PCED1A: variants seen among roughly 807,000 people sequenced by gnomAD.
PCED1A encodes PC-esterase domain-containing protein 1A.
Under a neutral mutation model 41.9 loss-of-function variants are expected in PCED1A, and 20 were observed. The ratio of observed to expected loss-of-function variants is 0.48; its 90% CI spans 0.34 to 0.69. The LOEUF is 0.69. PCED1A is among the 30% of genes least tolerant of loss of function. PCED1A has a pLI of 0.01. For synonymous variants in PCED1A, 236 were observed against 241.3 expected (o/e 0.98, Z 0.20); for missense variants, 498 against 602.1 (o/e 0.83, Z 1.81).
upstream of PCED1A, chr20:2,840,856 CCTGGCT>C (rs1487225045): frequency 6.5e-7 from 1 of 1,537,088 alleles, no homozygotes; most frequent in African/African-American, 1.4e-5. Context: ...CCGCCCACGG[CCTGGCT>C]TACCCTGCTC....
intron 6 of PCED1A, among the ~76,000 whole-genome samples, chr20:2,837,752 T>C (rs906241595): frequency 5.9e-5 from 9 of 152,254 alleles, no homozygotes; most frequent in African/African-American, 1.9e-4. Flanking sequence ...TATGGAACAC[T>C]GTCCATTGAG....
chr20:2,838,909 T>C lies in PCED1A; in HGVS notation c.378A>G (p.Glu126=), dbSNP rs1221958153. The C allele has an allele frequency of 2.5e-6, 4 of 1,613,912 alleles. No homozygotes were observed. The highest frequency in any genetic ancestry group is 1.6e-4 in the Middle Eastern group (1 of 6,084). ...VYSEYLEDVL[E]ELTYGPAPDL... ...CCGGGGCAGGTCCATATGTCAGCTC[T>C]TCCAGAACATCCTCAAGGTACTCGG... The change falls in exon 4 of 8, where the codon GAA becomes GAG. Residue 126 remains glutamate, a synonymous_variant. Coordinates refer to ENST00000360652, the MANE Select transcript of PCED1A (RefSeq NM_022760.6). The surrounding 1 kb of genome is among the most constrained non-coding windows in gnomAD (Gnocchi z 5.8).
At chr20:2,839,739 C>CG in intron 2 of PCED1A, 50 bp downstream of exon 2, 1 of 1,602,448 alleles carries the variant, frequency 6.2e-7, no homozygotes, top group Non-Finnish European at 8.5e-7. Flanking sequence ...ACACACTGAA[C>CG]GGGCTGCAAG....
At chr20:2,840,956 G>C (rs2088963467), upstream of PCED1A, 12 of 887,236 alleles carry the variant, frequency 1.4e-5, no homozygotes, top group Middle Eastern at 3.5e-4. Context: ...CTCCCCGAGC[G>C]TCTGCCACTT....
chr20:2,839,706 T>G, intron 2 of PCED1A, 83 bp downstream of exon 2: 1 of 1,555,072 alleles, frequency 6.4e-7, no homozygotes. Flanking sequence ...ACAAGAGATG[T>G]GAGATGGAAA....
Position 2,838,813 on chromosome 20 carries a change from C to A in PCED1A, c.443+31G>T, listed in dbSNP as rs764504882. On this transcript the variant is annotated intron_variant, in intron 4 of 7. Transcript: ENST00000360652. This position sits in a 1 kb window ranked among gnomAD's most constrained non-coding sequence, Gnocchi z 5.8. ...ACTGCCTCAGCCGTACTTCCAGCCC[C>A]AACCAGTATTCCCCTTTCCCTCGCC... 1.2e-6 allele frequency: 2 copies of A among 1,614,206 alleles called. No homozygotes were observed. Among genetic ancestry groups the A allele is most frequent in the Middle Eastern group, 3.3e-4 (2 of 6,062 alleles).
chr20:2,839,021 T>C lies in PCED1A; in HGVS notation c.266A>G (p.Asn89Ser). ...VAGGQLGELH[N>S]GTQYREVRQF... ...GCGGACCTCACGATACTGTGTCCCG[T>C]TGTGCAGCTCGCCCAGCTGGCCCCC... is the stretch of plus-strand genomic sequence containing the variant. Residue 89 changes from asparagine (N) to serine (S), a missense_variant, in exon 4 of 8, where the codon AAC (asparagine) becomes AGC (serine). Asn to Ser is a conservative substitution (Grantham distance 46). Coordinates refer to ENST00000360652, the MANE Select transcript of PCED1A (RefSeq NM_022760.6). 1 of 1,613,786 alleles carries C rather than the reference T, an allele frequency of 6.2e-7. No homozygotes were observed. Among genetic ancestry groups the C allele is most frequent in the East Asian group, 2.2e-5 (1 of 44,870 alleles).
At position 2,836,106 on chromosome 20, in the gene PCED1A, C is replaced by A; in HGVS notation, c.1050G>T (p.Gln350His). The A allele has an allele frequency of 6.7e-7, 1 of 1,486,840 alleles. No homozygotes were observed. Among genetic ancestry groups the A allele is most frequent in the Non-Finnish European group, 9.0e-7 (1 of 1,111,264 alleles). 92.1% of individuals were successfully genotyped at this position (1,486,840 alleles called of 1,614,324 possible). A position where few individuals can be genotyped will look rare whatever the true frequency, so the allele number is the denominator to read the frequency against. The change falls in exon 7 of 8, where the codon CAG becomes CAT. Residue 350 changes from glutamine to histidine, a missense_variant. Around this residue, in one of 2 missense-constraint regions of PCED1A, gnomAD observed 245 missense variants for 232.4 expected, o/e 1.05. Coordinates refer to ENST00000360652, the MANE Select transcript of PCED1A (RefSeq NM_022760.6). Reference protein sequence around the residue: ...LPQDTPFFPGQPFPPHEFFNY... With the variant: ...LPQDTPFFPGHPFPPHEFFNY... ...TGAAGAATTCATGGGGTGGGAAGGGCTGGCCTGGGAAAAAAGGGGTATCCT... is the reference window on the plus strand; with the variant it reads ...TGAAGAATTCATGGGGTGGGAAGGGATGGCCTGGGAAAAAAGGGGTATCCT...
chr20:2,839,735 T>A, intron 2 of PCED1A, 54 bp downstream of exon 2: 11 of 1,601,784 alleles, frequency 6.9e-6, no homozygotes, highest in Non-Finnish European at 7.7e-6. Flanking sequence ...CCAGACACAC[T>A]GAACGGGCTG....
At chr20:2,840,867 C>T (rs2088960920), upstream of PCED1A, 1 of 1,534,934 alleles carries the variant, frequency 6.5e-7, no homozygotes, top group Non-Finnish European at 8.8e-7. Flanking sequence ...CTGGCTTACC[C>T]TGCTCGCCCG....
chr20:2,839,759 T>C (rs767310582), intron 2 of PCED1A, 30 bp downstream of exon 2: 1 of 1,611,958 alleles, frequency 6.2e-7, no homozygotes, highest in East Asian at 2.2e-5. Flanking sequence ...GGTGTGGGAC[T>C]GGAAGCGTCA....
At chr20:2,840,830 G>A, upstream of PCED1A, 2 of 1,547,408 alleles carry the variant, frequency 1.3e-6, no homozygotes, top group East Asian at 2.4e-5. Flanking sequence ...TTTTACCGGT[G>A]AGCTGCCCCG....
At position 2,838,122 on chromosome 20, in the gene PCED1A, C is replaced by T. The variant is rs2088866278; in HGVS notation, c.841+110G>A. Reference sequence around the variant, plus strand: ...GGTGCATGCAGAAGCCACAGGAGTCCTTCAAGGGACCTCTACTTCCCTTGA... The same window carrying T: ...GGTGCATGCAGAAGCCACAGGAGTCTTTCAAGGGACCTCTACTTCCCTTGA... On this transcript the variant is annotated intron_variant, in intron 6 of 7. Coordinates refer to ENST00000360652, the MANE Select transcript of PCED1A (RefSeq NM_022760.6). The surrounding 1 kb of genome is among the most constrained non-coding windows in gnomAD (Gnocchi z 5.8). 8 of 1,523,776 alleles carry T rather than the reference C, an allele frequency of 5.3e-6. No homozygotes were observed. Among genetic ancestry groups the T allele is most frequent in the Non-Finnish European group, 4.5e-6 (5 of 1,116,244 alleles). The allele number at this position is 1,523,776 out of a possible 1,614,324, so 94.4% of individuals were successfully genotyped here. A position where few individuals can be genotyped will look rare whatever the true frequency, so the allele number is the denominator to read the frequency against.
Position 2,838,146 on chromosome 20 carries a change from G to C in PCED1A, c.841+86C>G. On this transcript the variant is annotated intron_variant, in intron 6 of 7. Coordinates refer to ENST00000360652, the MANE Select transcript of PCED1A (RefSeq NM_022760.6). The surrounding 1 kb of genome is among the most constrained non-coding windows in gnomAD (Gnocchi z 5.8). ...CCTTCAAGGGACCTCTACTTCCCTT[G>C]AGTGGCTGTGTCCCATTCTGTTTCT... is the stretch of plus-strand genomic sequence containing the variant. 3 of 1,589,158 alleles carry C rather than the reference G, an allele frequency of 1.9e-6. No homozygotes were observed. Among genetic ancestry groups the C allele is most frequent in the Non-Finnish European group, 2.6e-6 (3 of 1,165,292 alleles).
intron 3 of PCED1A, 51 bp from the exon 4 acceptor site, chr20:2,839,133 C>A: frequency 1.4e-6 from 2 of 1,471,136 alleles, no homozygotes; most frequent in East Asian, 3.0e-5. Flanking sequence ...GGAGGAGAAC[C>A]CTGCCAGGCC....
rs1394880600 is a variant in PCED1A, at chr20:2,835,853, G to A, written c.1118-144C>T. ...ATAGTCCTTCCCCTACCTTCAGACG[G>A]TGAAACAGTGACAACCAGTGAGCTG... is the stretch of plus-strand genomic sequence containing the variant. On this transcript the variant is annotated intron_variant, in intron 7 of 7. Transcript: ENST00000360652. 7 of 1,452,826 alleles carry A rather than the reference G, an allele frequency of 4.8e-6. No homozygotes were observed. The East Asian group carries it at 7.2e-5, about 15-fold the overall frequency. 90.0% of individuals were successfully genotyped at this position (1,452,826 alleles called of 1,614,324 possible).
intron 6 of PCED1A, among the ~76,000 whole-genome samples, chr20:2,837,426 G>T (rs766110492): frequency 9.2e-5 from 14 of 152,144 alleles, no homozygotes; most frequent in South Asian, 2.1e-4. Context: ...CTAGACACTG[G>T]GGCTGAAAGG....
In PCED1A at chr20:2,840,252, T is replaced by C; in HGVS notation, c.-63A>G. On this transcript the variant is annotated 5_prime_UTR_variant, in exon 1 of 8. Transcript: ENST00000360652. Reference sequence around the variant, plus strand: ...GCGGTGTTCACCCGCGACCCGGGTATGCCTGCGCACCGCGCGCCTGGCCCG... The same window carrying C: ...GCGGTGTTCACCCGCGACCCGGGTACGCCTGCGCACCGCGCGCCTGGCCCG... 3.9e-6 allele frequency: 1 copy of C among 254,056 alleles called. No individual in the cohort carries two copies. The allele number at this position is 254,056 out of a possible 1,614,324, so 15.7% of individuals were successfully genotyped here. A position where few individuals can be genotyped will look rare whatever the true frequency, so the allele number is the denominator to read the frequency against.
chr20:2,838,626 T>A lies in PCED1A; in HGVS notation c.564A>T (p.Glu188Asp). ...LVWNMAMPLG[E>D]RITGGFLLPE... ...GCAGGAGGAAACCCCCAGTGATACG[T>A]TCCCCGAGGGGCATCGCCATGTTCC... Residue 188 changes from glutamate to aspartate, a missense_variant, in exon 5 of 8, where the codon GAA (glutamate) becomes GAT (aspartate). Transcript: ENST00000360652. This position sits in a 1 kb window ranked among gnomAD's most constrained non-coding sequence, Gnocchi z 5.8. 1 of 1,614,182 alleles carries A rather than the reference T, an allele frequency of 6.2e-7. No individual in the cohort carries two copies. The highest frequency in any genetic ancestry group is 8.5e-7 in the Non-Finnish European group (1 of 1,180,022).
Sources: allele counts gnomAD v4.1 joint callset (sites outside exome capture counted in the v4.1 genomes callset), GRCh38; gene constraint gnomAD v4.1.1; regional missense constraint gnomAD v4.1.1; non-coding constraint Gnocchi (gnomAD v3.1); transcripts MANE v1.5; gene names NCBI Gene and HGNC (gene_info 2026-07-23, HGNC 2026-07-21).